Variants in SGCD observed in about 807,000 individuals in gnomAD.
SGCD encodes delta-sarcoglycan.
SGCD carries 18 observed loss-of-function variants against 36.6 expected under a neutral mutation model. The ratio of observed to expected loss-of-function variants is 0.49; its 90% CI spans 0.34 to 0.73. The LOEUF (loss-of-function observed/expected upper bound fraction) is 0.73. Among genes scored for constraint, SGCD ranks in the 30% least tolerant of loss-of-function variants. The pLI, the probability that SGCD is intolerant of heterozygous loss-of-function variation, is 0.01. For missense variants in SGCD, 387 were observed against 346.7 expected (o/e 1.12, Z -0.92); for synonymous variants, 133 against 130.6 (o/e 1.02, Z -0.12).
At chr5:155,778,298 G>A in the SGCD span, among the ~76,000 whole-genome samples, 1 of 151,966 alleles carries the variant, frequency 6.6e-6, no homozygotes, top group African/African-American at 2.4e-5. Context: ...AGTTTTTGGT[G>A]GAAAAAAATG....
In SGCD at chr5:156,057,265, C is replaced by T. The variant is rs1052379706; in HGVS notation, c.-281-60613C>T. ...TCTTCAAACCCACCCCAAAGATAAA[C>T]TTGCAACACTATAAAAGGATACAGG... On this transcript the variant is annotated intron_variant, in intron 1 of 9. Coordinates refer to the SGCD transcript ENST00000517913. Among the ~76,000 whole-genome samples the T allele has an allele frequency of 2.5e-4, 37 of 146,402 alleles. 1 individual carries two copies. The highest frequency in any genetic ancestry group is 6.8e-5 in the Admixed American group (1 of 14,618).
intron 6 of SGCD, among the ~76,000 whole-genome samples, chr5:156,599,933 G>T (rs1761096986): frequency 6.6e-6 from 1 of 152,216 alleles, no homozygotes; most frequent in African/African-American, 2.4e-5. Context: ...GCTCTGTGCT[G>T]TTGGGAGTAC....
intron 3 of SGCD, among the ~76,000 whole-genome samples, chr5:156,156,742 A>G (rs1161156867): frequency 6.6e-6 from 1 of 151,460 alleles, no homozygotes; most frequent in African/African-American, 2.5e-5. Context: ...GGGTCATTTT[A>G]AGGTCTTCTG....
chr5:156,614,288 A>C (rs540476113), intron 6 of SGCD, among the ~76,000 whole-genome samples: 1 of 152,306 alleles, frequency 6.6e-6, no homozygotes, highest in East Asian at 1.9e-4. Flanking sequence ...TGAGGCACAG[A>C]GTGGTATAAT....
intron 1 of SGCD, among the ~76,000 whole-genome samples, chr5:156,056,049 A>T (rs1760048221): frequency 6.8e-6 from 1 of 146,578 alleles, no homozygotes; most frequent in Admixed American, 6.8e-5. Context: ...ATCAGTCAGA[A>T]ATAGTGACAA....
chr5:156,382,466 ATGTACT>A (rs1299845625), intron 3 of SGCD, among the ~76,000 whole-genome samples: 1 of 152,182 alleles, frequency 6.6e-6, no homozygotes, highest in Non-Finnish European at 1.5e-5. Context: ...TGGTGTCTTG[ATGTACT>A]TGTAAATCGA....
rs1000529838 is a variant in SGCD, at chr5:156,702,174, A to G, written c.575+54638A>G. Among the ~76,000 whole-genome samples the G allele has an allele frequency of 2.0e-5, 3 of 152,172 alleles. No individual in the cohort carries two copies. In the East Asian group the frequency reaches 5.8e-4, roughly 29 times the overall value. On this transcript the variant is annotated intron_variant, in intron 7 of 8. Transcript: ENST00000337851. ...ATTTATGCTGGTATTACAGGATGCA[A>G]TTGATAATAAAATGTTGACTTAGTA...
At chr5:156,001,122 C>T (rs1381090790) in intron 1 of SGCD, among the ~76,000 whole-genome samples, 1 of 152,186 alleles carries the variant, frequency 6.6e-6, no homozygotes, top group Non-Finnish European at 1.5e-5. Context: ...TTGGTCTTTA[C>T]ACCATTCCCA....
intron 1 of SGCD, among the ~76,000 whole-genome samples, chr5:155,873,212 CT>C (rs774833877): frequency 2.0e-5 from 3 of 152,092 alleles, no homozygotes; most frequent in Non-Finnish European, 2.9e-5. Context: ...TCCAGCATGA[CT>C]TTAGTTAGCC....
intron 1 of SGCD, among the ~76,000 whole-genome samples, chr5:156,017,891 G>A (rs1178535997): frequency 6.6e-6 from 1 of 152,082 alleles, no homozygotes; most frequent in Non-Finnish European, 1.5e-5. Flanking sequence ...CAGATGCAGT[G>A]GCTCACTCCT....
chr5:156,392,304 G>A (rs1771613868), intron 3 of SGCD, among the ~76,000 whole-genome samples: 1 of 152,338 alleles, frequency 6.6e-6, no homozygotes, highest in South Asian at 2.1e-4. Flanking sequence ...AGTCTGGTGG[G>A]ACAAGAAGAC....
chr5:156,753,419 GC>G (rs1447177587), intron 7 of SGCD, among the ~76,000 whole-genome samples: 1 of 152,134 alleles, frequency 6.6e-6, no homozygotes, highest in Non-Finnish European at 1.5e-5. Flanking sequence ...CTTACTACAT[GC>G]CATCTAAACA....
At chr5:155,823,036 C>T in the SGCD span, among the ~76,000 whole-genome samples, 1 of 151,332 alleles carries the variant, frequency 6.6e-6, no homozygotes, top group Non-Finnish European at 1.5e-5. Context: ...ATATACACAT[C>T]TCTATTTCTA....
At chr5:156,591,554 T>C (rs1343924751) in intron 5 of SGCD, among the ~76,000 whole-genome samples, 1 of 152,118 alleles carries the variant, frequency 6.6e-6, no homozygotes, top group African/African-American at 2.4e-5. Context: ...GGAAGAGAAA[T>C]TAGGCTTGAA....
intron 3 of SGCD, among the ~76,000 whole-genome samples, chr5:156,256,236 A>C (rs1461382005): frequency 6.6e-6 from 1 of 152,232 alleles, no homozygotes; most frequent in African/African-American, 2.4e-5. Flanking sequence ...AAAATGTGTA[A>C]GTCTTAAGCA....
At chr5:155,805,952 T>C in the SGCD span, among the ~76,000 whole-genome samples, 3 of 152,074 alleles carry the variant, frequency 2.0e-5, no homozygotes, top group African/African-American at 7.2e-5. Flanking sequence ...GCAGACCATA[T>C]TGGGGCTGGC....
intron 3 of SGCD, among the ~76,000 whole-genome samples, chr5:156,368,576 A>G (rs1208148387): frequency 1.3e-5 from 2 of 152,170 alleles, no homozygotes; most frequent in African/African-American, 4.8e-5. Flanking sequence ...GTACTTCTGG[A>G]CCGTAGACCA....
Position 156,578,370 on chromosome 5 carries a change from T to A in SGCD, c.295-10861T>A, listed in dbSNP as rs186277674. 1.0e-2 allele frequency among the ~76,000 whole-genome samples: 1,523 copies of A among 152,338 alleles called. 17 individuals are homozygous for A. Among genetic ancestry groups the A allele is most frequent in the African/African-American group, 0.035 (1,452 of 41,576 alleles). The stretch of plus-strand genomic sequence containing the variant: ...GTTCATCAGGGATATTGGTCTAAAA[T>A]TCTCTTTTTTTTGTAGTGTCTCTGC... On this transcript the variant is annotated intron_variant, in intron 4 of 8. Transcript: ENST00000337851.
At chr5:156,685,993 A>G (rs1753891436) in intron 7 of SGCD, among the ~76,000 whole-genome samples, 8 of 152,224 alleles carry the variant, frequency 5.3e-5, no homozygotes, top group Admixed American at 5.2e-4. Flanking sequence ...GTTTACTTAA[A>G]TAACAAACTT....
Sources: gnomAD v4.1 joint callset for allele counts (sites outside exome capture counted in the v4.1 genomes callset) on GRCh38, gnomAD v4.1.1 for gene constraint, MANE v1.5 for transcripts, NCBI Gene and HGNC (gene_info 2026-07-23, HGNC 2026-07-21) for gene names.